Variants in NRXN1 observed in about 807,000 individuals in gnomAD.
The protein encoded by NRXN1 is neurexin-1.
In NRXN1, 39 loss-of-function variants were observed where a neutral mutation model predicts 150.9. That is an observed-to-expected ratio of 0.26 (90% confidence interval 0.20 to 0.34). The LOEUF (loss-of-function observed/expected upper bound fraction) is 0.34, where lower values mean the gene tolerates loss of function less well. Ranked by LOEUF, NRXN1 falls within the 10% of genes least tolerant of loss-of-function variation. The pLI is 1.00. For missense variants in NRXN1, 1,815 were observed against 1,949.9 expected (o/e 0.93, Z 1.30); for synonymous variants, 924 against 757.0 (o/e 1.22, Z -3.62).
chr2:50,755,877 G>A (rs1278504785), intron 5 of NRXN1, among the ~76,000 whole-genome samples: 6 of 151,880 alleles, frequency 4.0e-5, no homozygotes, highest in African/African-American at 1.4e-4. Flanking sequence ...GAAAAGTGTT[G>A]TGAGGGTTCC....
At chr2:50,899,169 T>G (rs971947566) in intron 5 of NRXN1, among the ~76,000 whole-genome samples, 1 of 152,154 alleles carries the variant, frequency 6.6e-6, no homozygotes, top group African/African-American at 2.4e-5. Flanking sequence ...TAATCCTGAT[T>G]TTCACTTACT....
chr2:50,231,110 T>C (rs2064897039), intron 18 of NRXN1, among the ~76,000 whole-genome samples: 1 of 152,070 alleles, frequency 6.6e-6, no homozygotes, highest in African/African-American at 2.4e-5. Context: ...AAGCAATATA[T>C]ATACAACATA....
intron 17 of NRXN1, among the ~76,000 whole-genome samples, chr2:50,418,664 T>C (rs955676661): frequency 1.3e-5 from 2 of 152,046 alleles, no homozygotes; most frequent in African/African-American, 4.8e-5. Flanking sequence ...AGAACTCCCT[T>C]GGTATTGAGC....
Position 50,699,196 on chromosome 2 carries a change from A to G in NRXN1, c.833-75581T>C, listed in dbSNP as rs78336307. ...GGGATGATAAAGATTAAATGGAAAC[A>G]AAAGCATTGGTTAGCTATCCACCCA... On this transcript the variant is annotated intron_variant, in intron 5 of 22. Coordinates refer to ENST00000401669, the MANE Select transcript of NRXN1 (RefSeq NM_001330078.2). 9.1e-3 allele frequency among the ~76,000 whole-genome samples: 1,390 copies of G among 152,282 alleles called. 30 individuals carry two copies. The highest frequency in any genetic ancestry group is 0.031 in the African/African-American group (1,308 of 41,558).
At chr2:49,924,835 C>A (rs1451712517) in intron 22 of NRXN1, among the ~76,000 whole-genome samples, 6 of 152,192 alleles carry the variant, frequency 3.9e-5, no homozygotes, top group Non-Finnish European at 8.8e-5. Context: ...CCCAGATTCA[C>A]ATTAAAATTT....
rs537828040 is a variant in NRXN1, at chr2:50,072,324, A to G, written c.3719-17280T>C. 3.9e-5 allele frequency among the ~76,000 whole-genome samples: 6 copies of G among 152,314 alleles called. No homozygotes were observed. The South Asian group carries it at 1.2e-3, about 32-fold the overall frequency. On this transcript the variant is annotated intron_variant, in intron 19 of 22. Transcript: ENST00000401669. ...ACAAACAATAAAAGCAACTCTGCAT[A>G]AGACAAATCCTTACTTATGTTAATG...
At chr2:50,897,339 A>C (rs1682147370) in intron 5 of NRXN1, among the ~76,000 whole-genome samples, 1 of 152,188 alleles carries the variant, frequency 6.6e-6, no homozygotes, top group Non-Finnish European at 1.5e-5. Flanking sequence ...TTTCAACACA[A>C]AATTTTTCTC....
At chr2:50,707,820 T>A (rs979883714) in intron 5 of NRXN1, among the ~76,000 whole-genome samples, 5 of 152,164 alleles carry the variant, frequency 3.3e-5, no homozygotes, top group African/African-American at 1.2e-4. Flanking sequence ...AAATATCCCA[T>A]CATTTGGACT....
At chr2:50,242,746 A>C (rs971363156) in intron 17 of NRXN1, among the ~76,000 whole-genome samples, 1 of 151,774 alleles carries the variant, frequency 6.6e-6, no homozygotes, top group Non-Finnish European at 1.5e-5. Flanking sequence ...TGGACTATAT[A>C]TCATAAATTA....
intron 8 of NRXN1, among the ~76,000 whole-genome samples, chr2:50,611,026 A>G (rs1267722121): frequency 6.7e-6 from 1 of 149,728 alleles, no homozygotes; most frequent in Non-Finnish European, 1.5e-5. Flanking sequence ...GACTACAGGC[A>G]TGAGCCACTC....
chr2:50,356,536 G>A (rs1369333774), intron 17 of NRXN1, among the ~76,000 whole-genome samples: 3 of 152,028 alleles, frequency 2.0e-5, no homozygotes, highest in Non-Finnish European at 4.4e-5. Flanking sequence ...CATTTTCTCT[G>A]TTCTATTGCT....
At chr2:50,413,541 G>C (rs1219679316) in intron 17 of NRXN1, among the ~76,000 whole-genome samples, 1 of 152,150 alleles carries the variant, frequency 6.6e-6, no homozygotes, top group Non-Finnish European at 1.5e-5. Flanking sequence ...ACAAATGCCT[G>C]TGAGGATGTG....
chr2:51,017,474 T>G (rs1668870564), intron 2 of NRXN1, among the ~76,000 whole-genome samples: 1 of 136,594 alleles, frequency 7.3e-6, no homozygotes, highest in Non-Finnish European at 1.6e-5. Flanking sequence ...TAGCTGGGAC[T>G]ACAATACACG....
At chr2:51,031,633 C>T (rs1671569888) in intron 1 of NRXN1, among the ~76,000 whole-genome samples, 1 of 152,076 alleles carries the variant, frequency 6.6e-6, no homozygotes, top group Non-Finnish European at 1.5e-5. Flanking sequence ...GGGTCTACTG[C>T]ACAAATTAAC....
intron 17 of NRXN1, among the ~76,000 whole-genome samples, chr2:50,397,161 C>G (rs530941694): frequency 1.3e-5 from 2 of 152,020 alleles, no homozygotes; most frequent in East Asian, 3.9e-4. Flanking sequence ...CATTCTGGCC[C>G]TGTGAAGAAA....
chr2:50,305,814 C>T (rs1033364064), intron 17 of NRXN1, among the ~76,000 whole-genome samples: 2 of 152,152 alleles, frequency 1.3e-5, no homozygotes, highest in East Asian at 3.9e-4. Context: ...ATGTTCCTGC[C>T]CTTGGGAGTT....
chr2:50,904,651 T>C (rs1475349735), intron 5 of NRXN1, among the ~76,000 whole-genome samples: 1 of 151,144 alleles, frequency 6.6e-6, no homozygotes, highest in African/African-American at 2.4e-5. Context: ...CTGTCTGCAT[T>C]AAATGATCAG....
At chr2:51,023,019 A>G (rs1669874053) in intron 2 of NRXN1, among the ~76,000 whole-genome samples, 1 of 152,192 alleles carries the variant, frequency 6.6e-6, no homozygotes, top group Admixed American at 6.5e-5. Flanking sequence ...AGTGTTCTGA[A>G]CAATCAATGG....
chr2:50,306,628 AT>A lies in NRXN1; in HGVS notation c.3365-69659del, dbSNP rs971491792. Reference sequence around the variant, plus strand: ...TTTCCCCTTTCAAAGAAACATTTACATTTTTTTATATAAATCAAGTCACTGA... The same window carrying A: ...TTTCCCCTTTCAAAGAAACATTTACATTTTTTATATAAATCAAGTCACTGA... On this transcript the variant is annotated intron_variant, in intron 17 of 22. Coordinates refer to ENST00000401669, the MANE Select transcript of NRXN1 (RefSeq NM_001330078.2). Among the ~76,000 whole-genome samples, 5 of 152,248 alleles carry A rather than the reference AT, an allele frequency of 3.3e-5. No homozygotes were observed. In the South Asian group the frequency reaches 1.0e-3, roughly 32 times the overall value.
Sources: gnomAD v4.1 joint callset for allele counts (sites outside exome capture counted in the v4.1 genomes callset) on GRCh38, gnomAD v4.1.1 for gene constraint, MANE v1.5 for transcripts, NCBI Gene and HGNC (gene_info 2026-07-23, HGNC 2026-07-21) for gene names.